USP9X: variants seen among roughly 807,000 people sequenced by gnomAD.
The protein encoded by USP9X is ubiquitin carboxyl-terminal hydrolase 9X.
Under a neutral mutation model 190.3 loss-of-function variants are expected in USP9X, and 7 were observed. That is an observed-to-expected ratio of 0.04 (90% CI 0.02 to 0.07). The LOEUF is 0.07. Ranked by LOEUF, USP9X falls within the 10% of genes least tolerant of loss-of-function variation. USP9X has a pLI of 1.00. For synonymous variants in USP9X, 645 were observed against 659.5 expected (o/e 0.98, Z 0.34); for missense variants, 1,010 against 1,916.9 (o/e 0.53, Z 8.83).
chrX:41,211,865 C>T (rs779024557), intron 33 of USP9X, among the ~76,000 whole-genome samples: 189 of 105,292 alleles, frequency 1.8e-3, no homozygotes, highest in African/African-American at 6.1e-3. Context: ...GCCCGGCCAG[C>T]CGCCCCATCC....
chrX:41,149,409 T>A (rs143741621), intron 12 of USP9X, among the ~76,000 whole-genome samples: 402 of 111,502 alleles, frequency 3.6e-3, no homozygotes, highest in Non-Finnish European at 5.7e-3. Context: ...TGAGTTTCAC[T>A]GAATTTAGTA....
At chrX:41,161,328 C>CATTT (rs2062627927) in intron 14 of USP9X, among the ~76,000 whole-genome samples, 1 of 58,152 alleles carries the variant, frequency 1.7e-5, no homozygotes. Flanking sequence ...AGAATTCTTG[C>CATTT]CTTTTTTTTT....
rs747079422 is a variant in USP9X at position 41,170,006 on chromosome X, G to A, written c.2648G>A (p.Gly883Asp). The A allele has an allele frequency of 8.3e-7, 1 of 1,211,493 alleles. No homozygotes were observed. The highest frequency in any genetic ancestry group is 3.0e-5 in the East Asian group (1 of 33,862). Reference sequence around the variant, plus strand: ...CTTTTTCCCCCCAGAGCATTCCGCGGTAAACACCTCTCTTTTGTAGTTCGA... The same window carrying A: ...CTTTTTCCCCCCAGAGCATTCCGCGATAAACACCTCTCTTTTGTAGTTCGA... ...TILPMSRAFR[G>D]KHLSFVVRFP... is the part of the protein sequence containing the mutation. Residue 883 changes from glycine to aspartate, a missense_variant, in exon 19 of 45, where the codon GGT becomes GAT. Physicochemically the swap from Gly to Asp is moderately conservative, Grantham distance 94. Coordinates refer to ENST00000378308, the MANE Select transcript of USP9X (RefSeq NM_001039591.3).
At position 41,167,218 on chromosome X, in the gene USP9X, G is replaced by A. The variant is rs1051611392; in HGVS notation, c.2329-264G>A. ...TGGTTATCAAGATATTAAATTATAG[G>A]GTTAAATAATAGTGGTCAAAGCGTA... is the stretch of plus-strand genomic sequence containing the variant. On this transcript the variant is annotated intron_variant, in intron 16 of 44. Transcript: ENST00000378308. 4.3e-5 allele frequency: 9 copies of A among 210,039 alleles called. No homozygotes were observed. In the Admixed American group the frequency reaches 5.4e-4, roughly 13 times the overall value. The allele number at this position is 210,039 out of a possible 1,213,427, so 17.3% of individuals were successfully genotyped here.
At chrX:41,100,113 G>A (rs1358359787) in intron 1 of USP9X, among the ~76,000 whole-genome samples, 1 of 111,616 alleles carries the variant, frequency 9.0e-6, no homozygotes, top group East Asian at 2.8e-4. Flanking sequence ...TAATTTAGAT[G>A]TTTTTTTCCT....
intron 43 of USP9X, among the ~76,000 whole-genome samples, 159 bp from the exon 44 acceptor site, chrX:41,230,342 T>G (rs548080944): frequency 2.4e-4 from 27 of 110,564 alleles, no homozygotes; most frequent in South Asian, 7.5e-4. Context: ...TTTTGTTTTT[T>G]TTTTTTTTGT....
chrX:41,157,409 AAC>A (rs1372770157), intron 14 of USP9X, among the ~76,000 whole-genome samples: 1 of 111,213 alleles, frequency 9.0e-6, no homozygotes, highest in Non-Finnish European at 1.9e-5. Flanking sequence ...AGGAGGCTTA[AAC>A]ACAGCGTTTG....
chrX:41,209,813 A>G (rs2063143158), intron 32 of USP9X, among the ~76,000 whole-genome samples: 1 of 112,452 alleles, frequency 8.9e-6, no homozygotes, highest in Non-Finnish European at 1.9e-5. Context: ...CAGTTCTTGC[A>G]TACTTTAAAA....
In USP9X at chrX:41,234,066, A is replaced by C. The variant is rs1177158897; in HGVS notation, c.*1542A>C. The C allele has an allele frequency of 1.0e-5, 1 of 95,378 alleles. No individual in the cohort carries two copies. The highest frequency in any genetic ancestry group is 2.0e-5 in the Non-Finnish European group (1 of 48,923). 7.9% of individuals were successfully genotyped at this position (95,378 alleles called of 1,213,427 possible). Reference sequence around the variant, plus strand: ...TGTCCTTTTTTTTTTTTTTTAAAAGAGGACTGCATATTAAAATTCATTCTG... The same window carrying C: ...TGTCCTTTTTTTTTTTTTTTAAAAGCGGACTGCATATTAAAATTCATTCTG... On this transcript the variant is annotated 3_prime_UTR_variant, in exon 45 of 45. Coordinates refer to ENST00000378308, the MANE Select transcript of USP9X (RefSeq NM_001039591.3).
chrX:41,120,175 A>T (rs1161012599), intron 1 of USP9X, among the ~76,000 whole-genome samples: 2 of 111,618 alleles, frequency 1.8e-5, no homozygotes, highest in Non-Finnish European at 3.8e-5. Context: ...GTTGAGAGGC[A>T]GGCTAGTGTA....
chrX:41,192,804 G>T (rs1487654295), intron 26 of USP9X, among the ~76,000 whole-genome samples: 3 of 111,353 alleles, frequency 2.7e-5, no homozygotes, highest in Non-Finnish European at 5.7e-5. Flanking sequence ...CATGCCAAAA[G>T]GGATGGGGGA....
At chrX:41,229,802 A>T (rs1237316945) in intron 43 of USP9X, 23 bp downstream of exon 43, 1 of 1,210,181 alleles carries the variant, frequency 8.3e-7, no homozygotes, top group Non-Finnish European at 1.1e-6. Context: ...ACCAGTGTGC[A>T]GCAGATAGAA....
intron 44 of USP9X, among the ~76,000 whole-genome samples, chrX:41,231,731 C>CA (rs750438773): frequency 0.011 from 531 of 47,800 alleles, 4 homozygotes; most frequent in Middle Eastern, 0.09. Context: ...ACTCCCATCT[C>CA]AAAAAAAAAA....
rs144701637 is a variant in USP9X, at chrX:41,167,912, A to G, written c.2425-95A>G. The G allele has an allele frequency of 4.5e-4, 317 of 696,781 alleles. 3 individuals carry two copies. The East Asian group carries it at 0.011, about 23-fold the overall frequency. The allele number at this position is 696,781 out of a possible 1,213,427, so 57.4% of individuals were successfully genotyped here. A position where few individuals can be genotyped will look rare whatever the true frequency, so the allele number is the denominator to read the frequency against. On this transcript the variant is annotated intron_variant, in intron 17 of 44. Transcript: ENST00000378308. Reference sequence around the variant, plus strand: ...TGACTGTTGTTAATTGAGTGCTACAATTAAATCAGCCATTGCCATCTTTAA... The same window carrying G: ...TGACTGTTGTTAATTGAGTGCTACAGTTAAATCAGCCATTGCCATCTTTAA...
At chrX:41,177,806 C>T (rs2062788458) in intron 21 of USP9X, among the ~76,000 whole-genome samples, 1 of 110,800 alleles carries the variant, frequency 9.0e-6, no homozygotes, top group Admixed American at 9.6e-5. Flanking sequence ...TATGATCACT[C>T]TTATGGGTTT....
chrX:41,111,752 G>C (rs1277402665), intron 1 of USP9X, among the ~76,000 whole-genome samples: 1 of 111,534 alleles, frequency 9.0e-6, no homozygotes, highest in East Asian at 2.8e-4. Flanking sequence ...AGCTTTGGCT[G>C]GGGTTAGCTG....
intron 1 of USP9X, among the ~76,000 whole-genome samples, chrX:41,117,763 G>A (rs1324480211): frequency 7.4e-5 from 8 of 108,110 alleles, no homozygotes; most frequent in Non-Finnish European, 9.6e-5. Context: ...GTTTCACCGT[G>A]TTAGCCAGGA....
At chrX:41,086,724 C>G (rs1037551747) in intron 1 of USP9X, among the ~76,000 whole-genome samples, 1 of 112,597 alleles carries the variant, frequency 8.9e-6, no homozygotes, top group Non-Finnish European at 1.9e-5. Context: ...TCCTTCGCCC[C>G]GCTTTATTTG....
At chrX:41,156,382 T>TGGG (rs1168577790) in intron 14 of USP9X, among the ~76,000 whole-genome samples, 1 of 111,802 alleles carries the variant, frequency 8.9e-6, no homozygotes, top group Admixed American at 9.5e-5. Context: ...TGAGGTGGTG[T>TGGG]GGGCTACTGG....
Sources: allele counts gnomAD v4.1 joint callset (sites outside exome capture counted in the v4.1 genomes callset), GRCh38; gene constraint gnomAD v4.1.1; transcripts MANE v1.5; gene names NCBI Gene and HGNC (gene_info 2026-07-23, HGNC 2026-07-21).